Variants in FBN3 observed in about 807,000 individuals in gnomAD.
FBN3 encodes the protein fibrillin-3.
A neutral mutation model predicts 330.1 loss-of-function variants in FBN3; 234 were observed. That is an observed-to-expected ratio of 0.71 (90% CI 0.64 to 0.79). The LOEUF is 0.79. Ranked by LOEUF, FBN3 falls within the 30% of genes least tolerant of loss-of-function variation. FBN3 has a pLI of 0.00. For missense variants in FBN3, 3,606 were observed against 3,886.9 expected (o/e 0.93, Z 1.92); for synonymous variants, 1,458 against 1,517.3 (o/e 0.96, Z 0.91).
At chr19:8,139,210 G>A (rs1002838496) in intron 8 of FBN3, among the ~76,000 whole-genome samples, 7 of 151,398 alleles carry the variant, frequency 4.6e-5, no homozygotes, top group East Asian at 2.0e-4. Flanking sequence ...AGCCGGGTGC[G>A]GTGGCGCACA....
At chr19:8,107,155 G>A (rs2082458239) in intron 37 of FBN3, among the ~76,000 whole-genome samples, 1 of 148,220 alleles carries the variant, frequency 6.7e-6, no homozygotes, top group Non-Finnish European at 1.5e-5. Context: ...AAGGATGGAT[G>A]AATGGGTAGA....
chr19:8,087,233 T>C (rs1328247055), intron 53 of FBN3, 22 bp from the exon 54 acceptor site: 39 of 1,563,344 alleles, frequency 2.5e-5, no homozygotes, highest in Non-Finnish European at 2.9e-5. Flanking sequence ...CAGAGACAGA[T>C]GGTCAGTCAA....
At chr19:8,105,881 G>T (rs2082425618) in intron 38 of FBN3, among the ~76,000 whole-genome samples, 1 of 152,166 alleles carries the variant, frequency 6.6e-6, no homozygotes, top group Non-Finnish European at 1.5e-5. Flanking sequence ...GAGTGTCGTG[G>T]CATTTTAAAG....
rs1386954418 is a variant in FBN3, at chr19:8,102,731, G to T, written c.5082C>A (p.Pro1694=). Residue 1694 remains proline (P), a synonymous_variant, in exon 40 of 64, where the codon CCC becomes CCA. Coordinates refer to ENST00000600128, the MANE Select transcript of FBN3 (RefSeq NM_032447.5). The part of the protein sequence containing the change: ...WNRPCEACPT[P]ISPDYQILCG... The stretch of plus-strand genomic sequence containing the variant: ...TTGGGGAGGGTTACTCACGACTGAT[G>T]GGAGTGGGGCAGGCCTCACAGGGTC... 6.2e-7 allele frequency: 1 copy of T among 1,612,542 alleles called. No individual in the cohort carries two copies. The highest frequency in any genetic ancestry group is 2.2e-5 in the East Asian group (1 of 44,838).
At position 8,117,547 on chromosome 19, in the gene FBN3, C is replaced by T. The variant is rs2082734560; in HGVS notation, c.3380G>A (p.Gly1127Asp). Residue 1127 changes from glycine (G) to aspartate (D), a missense_variant, in exon 27 of 64, where the codon GGC becomes GAC. Transcript: ENST00000600128. Reference protein sequence around the residue: ...CSLSDGLCPHGQCVNVIGAFQ... With the variant: ...CSLSDGLCPHDQCVNVIGAFQ... ...GGCACCGATGACATTGACACACTGG[C>T]CATGGGGACACAGGCCATCACTCAG... 1.3e-6 allele frequency: 2 copies of T among 1,557,626 alleles called. No homozygotes were observed. Among genetic ancestry groups the T allele is most frequent in the East Asian group, 2.4e-5 (1 of 41,438 alleles).
At position 8,086,462 on chromosome 19, in the gene FBN3, A is replaced by AT. The variant is rs755200327; in HGVS notation, c.6755-138dup. 164 of 279,444 alleles carry AT rather than the reference A, an allele frequency of 5.9e-4. 2 individuals are homozygous for AT. Among genetic ancestry groups the AT allele is most frequent in the Non-Finnish European group, 6.5e-4 (108 of 165,208 alleles). The allele number at this position is 279,444 out of a possible 1,614,324, so 17.3% of individuals were successfully genotyped here. ...TTTATTTATTTTTATTATTATTATT[A>AT]TTATTATTTTTTGAGACAGAGTCTC... is the stretch of plus-strand genomic sequence containing the variant. On this transcript the variant is annotated intron_variant, in intron 54 of 63. Transcript: ENST00000600128.
intron 29 of FBN3, among the ~76,000 whole-genome samples, chr19:8,116,473 C>T (rs1343016495): frequency 6.6e-6 from 1 of 152,164 alleles, no homozygotes. Flanking sequence ...ATCTCATGGG[C>T]TTTGGAGAGC....
At chr19:8,124,777 C>A (rs2082939829) in intron 22 of FBN3, among the ~76,000 whole-genome samples, 1 of 152,144 alleles carries the variant, frequency 6.6e-6, no homozygotes, top group South Asian at 2.1e-4. Context: ...CTCAAGCAAT[C>A]CACCTGCCTC....
intron 56 of FBN3, among the ~76,000 whole-genome samples, chr19:8,084,969 C>T (rs1333057410): frequency 6.6e-6 from 1 of 152,080 alleles, no homozygotes; most frequent in African/African-American, 2.4e-5. Context: ...TCATTGCAGC[C>T]TCAAATTCCT....
In FBN3 at chr19:8,146,236, G is replaced by A; in HGVS notation, c.251-11C>T. 1.3e-6 allele frequency: 2 copies of A among 1,576,010 alleles called. No individual in the cohort carries two copies. Among genetic ancestry groups the A allele is most frequent in the Non-Finnish European group, 1.7e-6 (2 of 1,161,546 alleles). On this transcript the variant is annotated splice_polypyrimidine_tract_variant and intron_variant, in intron 3 of 63. Transcript: ENST00000600128. ...CGCGCCTACAGATGGCTGGATGAGT[G>A]CAGCGGGTGGCAGTCAAGACCAGGA...
Position 8,136,229 on chromosome 19 carries a change from G to T in FBN3, c.1426C>A (p.Pro476Thr). The change falls in exon 12 of 64, where the codon CCG becomes ACG. Residue 476 changes from proline to threonine, a missense_variant. Physicochemically the swap from Pro to Thr is conservative, Grantham distance 38. Transcript: ENST00000600128. ...CTGGTGGGCGTGGCCTGGAAGCCCG[G>T]GTAGCACCGGCAGTGGTAGGTGCCG... is the stretch of plus-strand genomic sequence containing the variant. ...IPGTYHCRCYPGFQATPTRQA... is the reference protein window; with the variant it reads ...IPGTYHCRCYTGFQATPTRQA... 6.2e-7 allele frequency: 1 copy of T among 1,612,088 alleles called. No homozygotes were observed. Among genetic ancestry groups the T allele is most frequent in the Non-Finnish European group, 8.5e-7 (1 of 1,179,528 alleles).
At chr19:8,135,936 G>GTGCCCC in intron 13 of FBN3, 25 bp downstream of exon 13, 7 of 668,774 alleles carry the variant, frequency 1.0e-5, no homozygotes, top group South Asian at 4.9e-5. Flanking sequence ...GGAAGCCCCT[G>GTGCCCC]CCCACCCGCC....
chr19:8,078,041 A>G (rs2081683857), intron 59 of FBN3, among the ~76,000 whole-genome samples: 1 of 150,906 alleles, frequency 6.6e-6, no homozygotes, highest in Non-Finnish European at 1.5e-5. Context: ...GCACCACTGC[A>G]ATCTCCAGCC....
chr19:8,073,006 T>TGTGTGTGTGTGC lies in FBN3; in HGVS notation c.7937+56_7937+57insGCACACACACAC, dbSNP rs1358267793. 1.3e-5 allele frequency: 13 copies of TGTGTGTGTGTGC among 964,456 alleles called. No homozygotes were observed. In the African/African-American group the frequency reaches 1.7e-4, roughly 13 times the overall value. The allele number at this position is 964,456 out of a possible 1,614,324, so 59.7% of individuals were successfully genotyped here. On this transcript the variant is annotated intron_variant, in intron 62 of 63. Transcript: ENST00000600128. The stretch of plus-strand genomic sequence containing the variant: ...GTGTGTGTGTGTGTGTGTGTGTGCG[T>TGTGTGTGTGTGC]GCGTGCATGGACGCTTGCGGGGCAT...
At chr19:8,111,803 A>G in intron 31 of FBN3, 33 bp from the exon 32 acceptor site, 1 of 1,606,068 alleles carries the variant, frequency 6.2e-7, no homozygotes, top group Non-Finnish European at 8.5e-7. Flanking sequence ...CCCCCACCCC[A>G]TGGTGTGTGC....
chr19:8,085,202 C>T (rs1045810797), intron 56 of FBN3, among the ~76,000 whole-genome samples, 161 bp downstream of exon 56: 7 of 147,148 alleles, frequency 4.8e-5, no homozygotes, highest in Non-Finnish European at 8.9e-5. Flanking sequence ...TACTGGTTCT[C>T]ATATCTGCTA....
At chr19:8,106,891 A>G (rs1264884306) in intron 37 of FBN3, among the ~76,000 whole-genome samples, 1 of 150,480 alleles carries the variant, frequency 6.6e-6, no homozygotes. Flanking sequence ...GGATGGGTGA[A>G]TGGGGGATAG....
rs4527136 is a variant in FBN3, at chr19:8,121,635, A to T, written c.3083-249T>A. Among the ~76,000 whole-genome samples the T allele has an allele frequency of 1.3e-5, 2 of 151,690 alleles. No individual in the cohort carries two copies. Among genetic ancestry groups the T allele is most frequent in the African/African-American group, 4.8e-5 (2 of 41,288 alleles). On this transcript the variant is annotated intron_variant, in intron 24 of 63. Coordinates refer to ENST00000600128, the MANE Select transcript of FBN3 (RefSeq NM_032447.5). This position sits in a 1 kb window ranked among gnomAD's most constrained non-coding sequence, Gnocchi z 4.5. ...GGAGCCGAGGAAATGGAGGAACCCC[A>T]AACTAAACATGACAAGGGCAGGCAG... is the stretch of plus-strand genomic sequence containing the variant.
chr19:8,117,842 C>T (rs1488536019), intron 26 of FBN3, among the ~76,000 whole-genome samples: 1 of 152,022 alleles, frequency 6.6e-6, no homozygotes, highest in Non-Finnish European at 1.5e-5. Context: ...GGCACCCACT[C>T]ACGTGTGAAC....
Sources: gnomAD v4.1 joint callset for allele counts (sites outside exome capture counted in the v4.1 genomes callset) on GRCh38, gnomAD v4.1.1 for gene constraint, Gnocchi (gnomAD v3.1) non-coding constraint, MANE v1.5 for transcripts, NCBI Gene and HGNC (gene_info 2026-07-23, HGNC 2026-07-21) for gene names.